The following CCDC61 variants were observed in gnomAD, a reference collection of about 807,000 sequenced individuals.
CCDC61 encodes coiled-coil domain containing 61.
CCDC61 carries 55 observed loss-of-function variants against 63.0 expected under a neutral mutation model. The observed-to-expected ratio is 0.87, with a 90% CI of 0.70 to 1.09. The LOEUF (loss-of-function observed/expected upper bound fraction) is 1.09. Among genes scored for constraint, CCDC61 ranks in the 50% least tolerant of loss-of-function variants. The pLI is 0.00. For synonymous variants in CCDC61, 270 were observed against 317.0 expected (o/e 0.85, Z 1.58); for missense variants, 651 against 731.4 (o/e 0.89, Z 1.27).
At chr19:46,017,145 A>G (rs767126781) in intron 11 of CCDC61, 76 bp downstream of exon 11, 17 of 1,547,972 alleles carry the variant, frequency 1.1e-5, no homozygotes, top group Non-Finnish European at 1.5e-5. Flanking sequence ...TTGCAGGGAA[A>G]TTGGGTGATG....
chr19:46,012,942 C>G (rs1968856790), intron 5 of CCDC61, among the ~76,000 whole-genome samples: 1 of 151,676 alleles, frequency 6.6e-6, no homozygotes, highest in African/African-American at 2.4e-5. Context: ...AACTCAGACT[C>G]CTGGGTTCAG....
Position 45,995,476 on chromosome 19 carries a change from G to A in CCDC61, c.-40G>A, listed in dbSNP as rs762832667. On this transcript the variant is annotated 5_prime_UTR_variant, in exon 1 of 14. Transcript: ENST00000595358. ...GGGCTGGAGCTTCGTCAGTTGAACC[G>A]CTCGCGAGGAGGGTTGCTAGTGGAG... The A allele has an allele frequency of 3.8e-6, 2 of 530,484 alleles. No individual in the cohort carries two copies. The highest frequency in any genetic ancestry group is 1.4e-5 in the South Asian group (1 of 70,674). 32.9% of individuals were successfully genotyped at this position (530,484 alleles called of 1,614,324 possible).
chr19:46,018,494 C>T lies in CCDC61; in HGVS notation c.*107C>T, dbSNP rs780050501. 1.8e-5 allele frequency: 15 copies of T among 835,524 alleles called. No homozygotes were observed. Among genetic ancestry groups the T allele is most frequent in the East Asian group, 2.7e-5 (1 of 37,092 alleles). 51.8% of individuals were successfully genotyped at this position (835,524 alleles called of 1,614,324 possible). On this transcript the variant is annotated 3_prime_UTR_variant, in exon 14 of 14. Transcript: ENST00000595358. This position sits in a 1 kb window ranked among gnomAD's most constrained non-coding sequence, Gnocchi z 4.2. Reference sequence around the variant, plus strand: ...CCCTGCCCAGTCCCTGCCCTGGCCCCGTCCCTCCTGCTGCCCCTGGGGTCT... The same window carrying T: ...CCCTGCCCAGTCCCTGCCCTGGCCCTGTCCCTCCTGCTGCCCCTGGGGTCT...
rs150043648 is a variant in CCDC61 at position 46,004,754 on chromosome 19, C to T, written c.231+1253C>T. ...TGTTGCAATTACAAGCGTGAGCCAC[C>T]GTGCCCAGCCTAAAAGTAATAATCA... On this transcript the variant is annotated intron_variant, in intron 3 of 13. Transcript: ENST00000595358. Among the ~76,000 whole-genome samples the T allele has an allele frequency of 1.9e-3, 292 of 151,902 alleles. 2 individuals are homozygous for T. The highest frequency in any genetic ancestry group is 3.4e-3 in the Middle Eastern group (1 of 294).
At chr19:46,006,918 A>G (rs1253423367) in intron 4 of CCDC61, among the ~76,000 whole-genome samples, 1 of 152,242 alleles carries the variant, frequency 6.6e-6, no homozygotes, top group East Asian at 1.9e-4. Context: ...GCCCTAAACA[A>G]ACAATACATC....
Position 46,016,874 on chromosome 19 carries a change from C to A in CCDC61, c.1231+41C>A. The stretch of plus-strand genomic sequence containing the variant: ...CTGGGGGCTGCCGGGCTAGGCGGGA[C>A]TGGGCGGGGCTGGGCGGGCTGGGAG... On this transcript the variant is annotated intron_variant, in intron 10 of 13. Transcript: ENST00000595358. This position sits in a 1 kb window ranked among gnomAD's most constrained non-coding sequence, Gnocchi z 7.2. 1.1e-6 allele frequency: 1 copy of A among 886,330 alleles called. No individual in the cohort carries two copies. The highest frequency in any genetic ancestry group is 1.5e-6 in the Non-Finnish European group (1 of 652,984). The allele number at this position is 886,330 out of a possible 1,614,324, so 54.9% of individuals were successfully genotyped here. A position where few individuals can be genotyped will look rare whatever the true frequency, so the allele number is the denominator to read the frequency against.
In CCDC61 at chr19:46,015,452, CTGGGCGGA is replaced by C. The variant is rs1207625067; in HGVS notation, c.845+33_845+40del. On this transcript the variant is annotated intron_variant, in intron 7 of 13. Transcript: ENST00000595358. This position sits in a 1 kb window ranked among gnomAD's most constrained non-coding sequence, Gnocchi z 5.3. The stretch of plus-strand genomic sequence containing the variant: ...GGTGAGAGCGAGGCCTGCCAGGCGC[CTGGGCGGA>C]TGGGCGGGCCCTGAGGGTGTGGAGG... 5.9e-6 allele frequency: 8 copies of C among 1,358,418 alleles called. No individual in the cohort carries two copies. The highest frequency in any genetic ancestry group is 4.3e-5 in the East Asian group (1 of 23,046). 84.1% of individuals were successfully genotyped at this position (1,358,418 alleles called of 1,614,324 possible).
Position 46,016,177 on chromosome 19 carries a change from G to T in CCDC61, c.969G>T (p.Gly323=). 7.6e-7 allele frequency: 1 copy of T among 1,307,756 alleles called. No homozygotes were observed. 81.0% of individuals were successfully genotyped at this position (1,307,756 alleles called of 1,614,324 possible). A position where few individuals can be genotyped will look rare whatever the true frequency, so the allele number is the denominator to read the frequency against. The change falls in exon 8 of 14, where the codon GGG becomes GGT. Residue 323 remains glycine, a synonymous_variant. Transcript: ENST00000595358. The surrounding 1 kb of genome is among the most constrained non-coding windows in gnomAD (Gnocchi z 7.2). ...CCTCATCCCGGGAGAGCGGCCGCGG[G>T]AGCCGGGGTCGGGGCCGCCCTGCGC... ...ARSSSRESGR[G]SRGRGRPARP...
intron 1 of CCDC61, among the ~76,000 whole-genome samples, chr19:46,001,284 T>A (rs749133189): frequency 3.3e-5 from 5 of 152,160 alleles, no homozygotes; most frequent in Non-Finnish European, 7.3e-5. Flanking sequence ...TGGAGTGCAA[T>A]GGCATGATCT....
rs1968637137 is a variant in CCDC61, at chr19:46,003,628, A to G, written c.231+127A>G. 3 of 584,694 alleles carry G rather than the reference A, an allele frequency of 5.1e-6. No individual in the cohort carries two copies. In the Admixed American group the frequency reaches 9.6e-5, roughly 19 times the overall value. The allele number at this position is 584,694 out of a possible 1,614,324, so 36.2% of individuals were successfully genotyped here. A position where few individuals can be genotyped will look rare whatever the true frequency, so the allele number is the denominator to read the frequency against. ...CTTTCATTGTGGGAAGAGGGCGATC[A>G]TTTTCTTCTTTTGCCAAGTGTAAAT... On this transcript the variant is annotated intron_variant, in intron 3 of 13. Coordinates refer to ENST00000595358, the MANE Select transcript of CCDC61 (RefSeq NM_001267723.2).
rs1968625917 is a variant in CCDC61 at position 46,003,172 on chromosome 19, T to C, written c.148+6T>C. On this transcript the variant is annotated splice_donor_region_variant and intron_variant, in intron 2 of 13. Coordinates refer to ENST00000595358, the MANE Select transcript of CCDC61 (RefSeq NM_001267723.2). ...GGGCGAGTTCGATGCTGGCTGTGAGTGTGCCTGCCTGGGGTGGGCTCACCT... is the reference window on the plus strand; with the variant it reads ...GGGCGAGTTCGATGCTGGCTGTGAGCGTGCCTGCCTGGGGTGGGCTCACCT... The C allele has an allele frequency of 6.2e-7, 1 of 1,601,580 alleles. No homozygotes were observed. Among genetic ancestry groups the C allele is most frequent in the Non-Finnish European group, 8.5e-7 (1 of 1,172,744 alleles).
chr19:46,010,813 C>T (rs1205838519), intron 5 of CCDC61, among the ~76,000 whole-genome samples: 1 of 152,170 alleles, frequency 6.6e-6, no homozygotes, highest in Admixed American at 6.5e-5. Context: ...TCCCAGTCTT[C>T]GTGTCTCCTC....
intron 11 of CCDC61, 85 bp downstream of exon 11, chr19:46,017,154 T>G: frequency 6.5e-7 from 1 of 1,540,272 alleles, no homozygotes; most frequent in South Asian, 1.2e-5. Flanking sequence ...AATTGGGTGA[T>G]GGAGCCTGGG....
chr19:46,002,581 AT>A (rs1447791130), intron 1 of CCDC61, among the ~76,000 whole-genome samples: 2 of 151,264 alleles, frequency 1.3e-5, no homozygotes, highest in South Asian at 2.1e-4. Flanking sequence ...ACACCTGGCA[AT>A]TTTTTTGTAT....
intron 1 of CCDC61, among the ~76,000 whole-genome samples, chr19:45,995,883 G>T (rs1395209298): frequency 1.3e-5 from 2 of 152,176 alleles, no homozygotes; most frequent in South Asian, 4.1e-4. Flanking sequence ...AAAGTCGTGG[G>T]AAGAAGCAAT....
chr19:46,016,737 G>C lies in CCDC61; in HGVS notation c.1135G>C (p.Gly379Arg), dbSNP rs749850932. 1 of 1,607,356 alleles carries C rather than the reference G, an allele frequency of 6.2e-7. No individual in the cohort carries two copies. The highest frequency in any genetic ancestry group is 1.7e-5 in the Admixed American group (1 of 59,180). The part of the protein sequence containing the change: ...NRLGSGGSGD[G>R]PSVSWSRQTQ... Reference sequence around the variant, plus strand: ...CTTAGGCAGTGGGGGAAGCGGGGACGGTCCGTCCGTCTCCTGGTCTCGCCA... The same window carrying C: ...CTTAGGCAGTGGGGGAAGCGGGGACCGTCCGTCCGTCTCCTGGTCTCGCCA... Residue 379 changes from glycine to arginine, a missense_variant, in exon 10 of 14, where the codon GGT becomes CGT. By Grantham distance (125) the Gly-to-Arg change is moderately radical. Transcript: ENST00000595358. This position sits in a 1 kb window ranked among gnomAD's most constrained non-coding sequence, Gnocchi z 7.2.
intron 1 of CCDC61, among the ~76,000 whole-genome samples, chr19:46,002,250 G>C (rs546876253): frequency 1.3e-5 from 2 of 151,064 alleles, no homozygotes; most frequent in South Asian, 4.2e-4. Flanking sequence ...GGCCTGCTCT[G>C]ACCCCCTTTT....
At chr19:45,999,493 G>A (rs971996202) in intron 1 of CCDC61, among the ~76,000 whole-genome samples, 1 of 152,246 alleles carries the variant, frequency 6.6e-6, no homozygotes, top group South Asian at 2.1e-4. Context: ...ATGTGTTGGC[G>A]GTGGTGGGGA....
At chr19:45,997,000 A>G (rs1353937948) in intron 1 of CCDC61, among the ~76,000 whole-genome samples, 1 of 152,056 alleles carries the variant, frequency 6.6e-6, no homozygotes, top group Non-Finnish European at 1.5e-5. Context: ...CACCATATCC[A>G]CGAGGCCCCA....
Sources: allele counts gnomAD v4.1 joint callset (sites outside exome capture counted in the v4.1 genomes callset), GRCh38; gene constraint gnomAD v4.1.1; non-coding constraint Gnocchi (gnomAD v3.1); transcripts MANE v1.5; gene names NCBI Gene and HGNC (gene_info 2026-07-23, HGNC 2026-07-21).